CADM2: variants seen among roughly 807,000 people sequenced by gnomAD.
CADM2 encodes the protein immunoglobulin superfamily member 4D.
A neutral mutation model predicts 49.8 loss-of-function variants in CADM2; 12 were observed. That is an observed-to-expected ratio of 0.24 (90% CI 0.15 to 0.39). CADM2 has a LOEUF of 0.39. Among genes scored for constraint, CADM2 ranks in the 10% least tolerant of loss-of-function variants. CADM2 has a pLI of 1.00. For missense variants in CADM2, 378 were observed against 492.3 expected, an observed-to-expected ratio of 0.77 and a Z score of 2.20; for synonymous variants, 214 against 175.4, an observed-to-expected ratio of 1.22 and a Z score of -1.74.
At chr3:85,948,285 A>G (rs1046874208) in intron 7 of CADM2, among the ~76,000 whole-genome samples, 1 of 151,402 alleles carries the variant, frequency 6.6e-6, no homozygotes, top group African/African-American at 2.4e-5. Flanking sequence ...AAGTTAGTCT[A>G]TTGCTCTAAG....
At chr3:84,977,308 AT>A (rs1435690755) in intron 1 of CADM2, among the ~76,000 whole-genome samples, 1 of 151,986 alleles carries the variant, frequency 6.6e-6, no homozygotes, top group Non-Finnish European at 1.5e-5. Flanking sequence ...TTAGGATGAT[AT>A]TTGGTGCAGC....
intron 8 of CADM2, among the ~76,000 whole-genome samples, chr3:86,008,208 T>C (rs1240621488): frequency 1.3e-5 from 2 of 152,102 alleles, no homozygotes; most frequent in African/African-American, 4.8e-5. Context: ...TCAAGGAAAA[T>C]CTTACTTTGT....
chr3:85,466,984 C>A (rs1043223404), intron 1 of CADM2, among the ~76,000 whole-genome samples: 1 of 152,120 alleles, frequency 6.6e-6, no homozygotes, highest in Admixed American at 6.6e-5. Flanking sequence ...AGCTTCAATA[C>A]TTTTCTAGAA....
At chr3:86,062,463 A>G (rs926771208) in intron 8 of CADM2, among the ~76,000 whole-genome samples, 6 of 151,830 alleles carry the variant, frequency 4.0e-5, no homozygotes. Flanking sequence ...CCTCACCCCG[A>G]CCCGCAACAG....
intron 7 of CADM2, among the ~76,000 whole-genome samples, chr3:85,949,448 C>A (rs908014019): frequency 2.6e-4 from 39 of 151,114 alleles, no homozygotes; most frequent in African/African-American, 9.2e-4. Context: ...TATGTTAAGT[C>A]TTAGTTCCTG....
intron 1 of CADM2, among the ~76,000 whole-genome samples, chr3:85,013,366 A>G (rs1415945263): frequency 2.0e-5 from 3 of 151,966 alleles, no homozygotes; most frequent in Non-Finnish European, 2.9e-5. Context: ...CTTACCTGAG[A>G]TCTATTTTGA....
chr3:85,011,955 T>C lies in CADM2; in HGVS notation c.61+52287T>C, dbSNP rs541885227. ...CTGTTTTGAATGAAAATACCGTTTA[T>C]ATTTAGAATATAGTTAAGTAAAAAA... On this transcript the variant is annotated intron_variant, in intron 1 of 9. Coordinates refer to ENST00000383699, the MANE Select transcript of CADM2 (RefSeq NM_001167675.2). Among the ~76,000 whole-genome samples the C allele has an allele frequency of 2.0e-5, 3 of 152,290 alleles. No individual in the cohort carries two copies. In the East Asian group the frequency reaches 5.8e-4, roughly 29 times the overall value.
At chr3:85,659,140 C>T (rs1451016604) in intron 1 of CADM2, among the ~76,000 whole-genome samples, 4 of 150,914 alleles carry the variant, frequency 2.7e-5, no homozygotes, top group African/African-American at 4.9e-5. Flanking sequence ...GTCCAAGCAC[C>T]GTGGAGGATA....
chr3:85,773,701 G>A (rs1318837092), intron 2 of CADM2, among the ~76,000 whole-genome samples: 9 of 151,948 alleles, frequency 5.9e-5, no homozygotes, highest in Non-Finnish European at 5.9e-5. Context: ...AGAGATTGAT[G>A]CTTATTGGTT....
chr3:85,080,859 C>T (rs1310789815), intron 1 of CADM2, among the ~76,000 whole-genome samples: 2 of 151,616 alleles, frequency 1.3e-5, no homozygotes, highest in East Asian at 1.9e-4. Context: ...ATTTATGTTT[C>T]TAAAAATTAC....
intron 1 of CADM2, among the ~76,000 whole-genome samples, chr3:85,402,984 C>T (rs983329690): frequency 2.0e-5 from 3 of 152,104 alleles, no homozygotes; most frequent in South Asian, 2.1e-4. Flanking sequence ...TGCTAGGAAC[C>T]GTATTTTCAG....
chr3:86,000,802 T>C (rs543467432), intron 8 of CADM2, among the ~76,000 whole-genome samples: 34 of 152,280 alleles, frequency 2.2e-4, no homozygotes, highest in African/African-American at 7.5e-4. Context: ...CCTGCAGAAC[T>C]TTAAATAATT....
intron 3 of CADM2, among the ~76,000 whole-genome samples, chr3:85,882,799 C>T (rs1713005971): frequency 6.6e-6 from 1 of 152,206 alleles, no homozygotes; most frequent in Non-Finnish European, 1.5e-5. Flanking sequence ...AGGTGCCTTT[C>T]TGCTCAATAT....
intron 1 of CADM2, among the ~76,000 whole-genome samples, chr3:85,481,386 T>C (rs2039204159): frequency 6.6e-6 from 1 of 151,676 alleles, no homozygotes; most frequent in South Asian, 2.1e-4. Context: ...TAATTATTTT[T>C]ATTCCTATTG....
intron 1 of CADM2, among the ~76,000 whole-genome samples, chr3:85,248,466 G>A (rs2042700597): frequency 6.6e-6 from 1 of 151,974 alleles, no homozygotes; most frequent in Admixed American, 6.6e-5. Flanking sequence ...ACTAAAGAAG[G>A]GGTTTCACCA....
intron 8 of CADM2, among the ~76,000 whole-genome samples, chr3:85,973,075 A>G (rs1471625043): frequency 6.6e-6 from 1 of 151,734 alleles, no homozygotes; most frequent in Non-Finnish European, 1.5e-5. Flanking sequence ...ATCATCTCAC[A>G]CATGATAAAA....
Position 85,129,947 on chromosome 3 carries a change from G to A in CADM2, c.61+170279G>A, listed in dbSNP as rs183961578. On this transcript the variant is annotated intron_variant, in intron 1 of 9. Coordinates refer to ENST00000383699, the MANE Select transcript of CADM2 (RefSeq NM_001167675.2). ...GAAATATTTTGTTGATGCCTTCCAC[G>A]CTTTTAATGCCCTCACTGTGTGATA... 5.3e-5 allele frequency among the ~76,000 whole-genome samples: 8 copies of A among 152,232 alleles called. No homozygotes were observed. The East Asian group carries it at 1.4e-3, about 26-fold the overall frequency.
At chr3:85,228,105 A>G (rs568284774) in intron 1 of CADM2, among the ~76,000 whole-genome samples, 182 of 151,882 alleles carry the variant, frequency 1.2e-3, no homozygotes, top group African/African-American at 4.0e-3. Flanking sequence ...ATGTGCCTTG[A>G]GGTTGCTCTT....
chr3:85,533,605 A>G (rs534271438), intron 1 of CADM2, among the ~76,000 whole-genome samples: 6 of 152,338 alleles, frequency 3.9e-5, no homozygotes, highest in African/African-American at 1.4e-4. Flanking sequence ...TTTATTTTCA[A>G]ATAGAATCAT....
Sources: allele counts gnomAD v4.1 joint callset (sites outside exome capture counted in the v4.1 genomes callset), GRCh38; gene constraint gnomAD v4.1.1; transcripts MANE v1.5; gene names NCBI Gene and HGNC (gene_info 2026-07-23, HGNC 2026-07-21).